Variants in DOP1A observed in about 807,000 individuals in gnomAD.
DOP1A encodes protein DOP1A.
In DOP1A, 90 loss-of-function variants were observed where a neutral mutation model predicts 267.6. The observed-to-expected ratio is 0.34, with a 90% confidence interval of 0.28 to 0.40. The LOEUF (loss-of-function observed/expected upper bound fraction) is 0.40, where lower values mean the gene tolerates loss of function less well. DOP1A is among the 10% of genes least tolerant of loss of function. DOP1A has a pLI of 1.00. For synonymous variants in DOP1A, 932 were observed against 999.1 expected (o/e 0.93, Z 1.27); for missense variants, 2,437 against 2,900.4 (o/e 0.84, Z 3.67).
Position 83,132,323 on chromosome 6 carries a change from G to T in DOP1A, c.2764G>T (p.Asp922Tyr), listed in dbSNP as rs1303585806. ...DVISQQLTHK[D>Y]KKIRMEAHAK... is the part of the protein sequence containing the mutation. ...TATAAGTCAGCAGTTAACCCATAAA[G>T]ATAAGGTAAATCCTCTTATCTTGTG... Residue 922 changes from aspartate to tyrosine, a missense_variant, in exon 18 of 39, where the codon GAT becomes TAT. Asp to Tyr is a radical substitution (Grantham distance 160, BLOSUM62 -3). This residue lies in a region of DOP1A where 878 missense variants were observed against 992.9 expected (regional missense o/e 0.88). Coordinates refer to ENST00000349129, the MANE Select transcript of DOP1A (RefSeq NM_015018.4). The T allele has an allele frequency of 6.3e-7, 1 of 1,593,856 alleles. No individual in the cohort carries two copies. The highest frequency in any genetic ancestry group is 1.1e-5 in the South Asian group (1 of 90,558).
In DOP1A at chr6:83,138,248, C is replaced by T. The variant is rs1368700677; in HGVS notation, c.4206C>T (p.Ala1402=). 2 of 1,613,312 alleles carry T rather than the reference C, an allele frequency of 1.2e-6. No individual in the cohort carries two copies. The highest frequency in any genetic ancestry group is 2.2e-5 in the South Asian group (2 of 91,076). ...CTAACCCTATAGCTTTTGTAAATGC[C>T]ATTTCAACTACTAGTGTAAATAATG... ...LKTNPIAFVN[A]ISTTSVNNAY... The change falls in exon 21 of 39, where the codon GCC becomes GCT. Residue 1402 remains alanine, a synonymous_variant. Coordinates refer to ENST00000349129, the MANE Select transcript of DOP1A (RefSeq NM_015018.4).
At chr6:83,142,935 T>C (rs1779892337) in intron 24 of DOP1A, among the ~76,000 whole-genome samples, 1 of 152,168 alleles carries the variant, frequency 6.6e-6, no homozygotes, top group South Asian at 2.1e-4. Flanking sequence ...TTATATAAAA[T>C]ATATGATTTT....
At chr6:83,153,286 C>T in intron 30 of DOP1A, 1 of 317,152 alleles carries the variant, frequency 3.2e-6, no homozygotes, top group Non-Finnish European at 5.6e-6. Context: ...TTCCCTATCT[C>T]AGTTGGAAAT....
chr6:83,119,984 C>A, intron 9 of DOP1A, 127 bp downstream of exon 9: 1 of 633,338 alleles, frequency 1.6e-6, no homozygotes, highest in Non-Finnish European at 2.5e-6. Flanking sequence ...TACAAACTTC[C>A]CAAGAATTTT....
Position 83,156,068 on chromosome 6 carries a change from T to C in DOP1A, c.6569T>C (p.Ile2190Thr). 6.2e-7 allele frequency: 1 copy of C among 1,613,858 alleles called. No homozygotes were observed. The highest frequency in any genetic ancestry group is 8.5e-7 in the Non-Finnish European group (1 of 1,179,874). The change falls in exon 34 of 39, where the codon ATT becomes ACT. Residue 2190 changes from isoleucine (I) to threonine (T), a missense_variant. Around this residue, in one of 9 missense-constraint regions of DOP1A, gnomAD observed 75 missense variants for 149.6 expected, o/e 0.50. Coordinates refer to ENST00000349129, the MANE Select transcript of DOP1A (RefSeq NM_015018.4). ...RLAFAIFSSE[I>T]DQYQKYLPDI... The stretch of plus-strand genomic sequence containing the variant: ...GCATTTGCTATTTTTAGCAGTGAAA[T>C]TGACCAGTACCAGAAATATCTTCCA...
chr6:83,125,461 A>C, intron 14 of DOP1A, 39 bp from the exon 15 acceptor site: 1 of 1,589,128 alleles, frequency 6.3e-7, no homozygotes, highest in Non-Finnish European at 8.6e-7. Flanking sequence ...TTTGGGTTCC[A>C]CATTGTTTAA....
At position 83,125,422 on chromosome 6, in the gene DOP1A, C is replaced by T. The variant is rs573560781; in HGVS notation, c.1486-78C>T. The T allele has an allele frequency of 1.1e-4, 146 of 1,295,298 alleles. 3 individuals carry two copies. In the South Asian group the frequency reaches 1.8e-3, roughly 16 times the overall value. The allele number at this position is 1,295,298 out of a possible 1,614,324, so 80.2% of individuals were successfully genotyped here. ...ACATTATGGATGAGTAAAATCATTG[C>T]CTATTTATATAGATTAAAAAATGTA... On this transcript the variant is annotated intron_variant, in intron 14 of 38. Coordinates refer to ENST00000349129, the MANE Select transcript of DOP1A (RefSeq NM_015018.4).
chr6:83,132,365 C>CCACACA (rs3830927), intron 18 of DOP1A, 37 bp downstream of exon 18: 11 of 1,405,358 alleles, frequency 7.8e-6, no homozygotes, highest in Non-Finnish European at 8.7e-6. Flanking sequence ...GCCCCCTCCG[C>CCACACA]CACACACACA....
At chr6:83,090,400 A>G (rs1377142223) in intron 1 of DOP1A, among the ~76,000 whole-genome samples, 1 of 152,068 alleles carries the variant, frequency 6.6e-6, no homozygotes, top group Non-Finnish European at 1.5e-5. Flanking sequence ...CTGTCTTTTC[A>G]TCGCCTGGGG....
At chr6:83,170,655 G>C (rs557189193), downstream of DOP1A, 24 of 574,300 alleles carry the variant, frequency 4.2e-5, 1 homozygote, top group East Asian at 6.0e-4. Context: ...TTTTTCTTCA[G>C]TCTATAAAGA....
At position 83,168,183 on chromosome 6, in the gene DOP1A, C is replaced by T; in HGVS notation, c.*16C>T. On this transcript the variant is annotated 3_prime_UTR_variant, in exon 39 of 39. Coordinates refer to ENST00000349129, the MANE Select transcript of DOP1A (RefSeq NM_015018.4). ...AAAAACTTGAGCACCATTGCTGGTT[C>T]CATTTAGCTTACATGTAAATGTAAT... 1.9e-6 allele frequency: 3 copies of T among 1,601,442 alleles called. No individual in the cohort carries two copies. The highest frequency in any genetic ancestry group is 1.7e-6 in the Non-Finnish European group (2 of 1,175,042).
At chr6:83,087,814 G>A (rs748381856) in intron 1 of DOP1A, among the ~76,000 whole-genome samples, 4 of 152,158 alleles carry the variant, frequency 2.6e-5, no homozygotes, top group African/African-American at 7.2e-5. Context: ...AGACTAGAAG[G>A]CGACAGGACA....
chr6:83,105,221 A>T (rs1773370243), intron 4 of DOP1A, among the ~76,000 whole-genome samples: 2 of 152,270 alleles, frequency 1.3e-5, no homozygotes, highest in South Asian at 4.1e-4. Context: ...GACAGATAGT[A>T]TACCCTTAAT....
chr6:83,072,780 T>C (rs1785833484), intron 1 of DOP1A, among the ~76,000 whole-genome samples: 2 of 152,252 alleles, frequency 1.3e-5, no homozygotes. Context: ...AGAATATGTG[T>C]TATTTTTATC....
At chr6:83,148,016 T>TAC (rs1413346905) in intron 26 of DOP1A, among the ~76,000 whole-genome samples, 1 of 152,068 alleles carries the variant, frequency 6.6e-6, no homozygotes, top group African/African-American at 2.4e-5. Context: ...GGCTAGGGAG[T>TAC]ACATGACTGT....
chr6:83,099,272 C>T (rs905386858), intron 3 of DOP1A, among the ~76,000 whole-genome samples: 46 of 152,166 alleles, frequency 3.0e-4, no homozygotes, highest in African/African-American at 1.1e-3. Flanking sequence ...AGAAAAGTTA[C>T]CATTTTCAGT....
intron 27 of DOP1A, 97 bp downstream of exon 27, chr6:83,148,960 C>T: frequency 1.5e-6 from 1 of 672,380 alleles, no homozygotes; most frequent in Non-Finnish European, 2.3e-6. Flanking sequence ...TGACAGTGAT[C>T]TCTCTACCTT....
In DOP1A at chr6:83,135,797, G is replaced by T; in HGVS notation, c.3049G>T (p.Glu1017Ter). The change falls in exon 20 of 39, where the codon GAA becomes TAA. Residue 1017 changes from glutamate to a stop codon, truncating the protein, a stop_gained. Transcript: ENST00000349129. LOFTEE classifies it high-confidence loss of function. ...GGTTTCAGTACAGCGTGTACAAGCA[G>T]AACGTTATTGGAATAAGTCTCCCTG... ...QRVSVQRVQA[E>*]RYWNKSPCYP... is the part of the protein sequence containing the mutation. 1 of 1,613,686 alleles carries T rather than the reference G, an allele frequency of 6.2e-7. No individual in the cohort carries two copies. Among genetic ancestry groups the T allele is most frequent in the South Asian group, 1.1e-5 (1 of 91,066 alleles).
intron 17 of DOP1A, among the ~76,000 whole-genome samples, chr6:83,131,955 A>T (rs1270651801): frequency 1.3e-5 from 2 of 152,152 alleles, no homozygotes; most frequent in East Asian, 3.9e-4. Context: ...ATGTCTGAAA[A>T]CAAATATCAT....
Sources: gnomAD v4.1 joint callset for allele counts (sites outside exome capture counted in the v4.1 genomes callset) on GRCh38, gnomAD v4.1.1 for gene constraint, gnomAD v4.1.1 regional missense constraint, MANE v1.5 for transcripts, NCBI Gene and HGNC (gene_info 2026-07-23, HGNC 2026-07-21) for gene names.